Variants in WNK3 observed in about 807,000 individuals in gnomAD.
WNK3 encodes the protein serine/threonine-protein kinase WNK3.
In WNK3, 18 loss-of-function variants were observed where a neutral mutation model predicts 116.7. That is an observed-to-expected ratio of 0.15 (90% CI 0.11 to 0.23). The LOEUF (loss-of-function observed/expected upper bound fraction) is 0.23. WNK3 is among the 10% of genes least tolerant of loss of function. The probability of loss-of-function intolerance (pLI) is 1.00; values close to 1 mark genes in which losing one functional copy is unlikely to be tolerated. For synonymous variants in WNK3, 404 were observed against 469.4 expected, an observed-to-expected ratio of 0.86 and a Z score of 1.80; for missense variants, 993 against 1,323.8, an observed-to-expected ratio of 0.75 and a Z score of 3.88.
At chrX:54,229,588 A>C (rs782177500) in intron 21 of WNK3, among the ~76,000 whole-genome samples, 1 of 111,155 alleles carries the variant, frequency 9.0e-6, no homozygotes, top group South Asian at 3.8e-4. Flanking sequence ...TTCAGGAAAC[A>C]TAATACCTAA....
At chrX:54,211,832 A>G (rs1304637111) in intron 22 of WNK3, among the ~76,000 whole-genome samples, 2 of 110,651 alleles carry the variant, frequency 1.8e-5, no homozygotes, top group Non-Finnish European at 3.8e-5. Flanking sequence ...AATGAGAAAA[A>G]TCTCCAAACT....
chrX:54,317,118 G>C (rs2068966761), intron 2 of WNK3, among the ~76,000 whole-genome samples: 2 of 108,756 alleles, frequency 1.8e-5, no homozygotes, highest in African/African-American at 6.7e-5. Context: ...GCCTTAAAGA[G>C]AAATGAAATT....
chrX:54,241,476 A>G (rs781868090), intron 17 of WNK3, among the ~76,000 whole-genome samples: 17 of 112,162 alleles, frequency 1.5e-4, no homozygotes, highest in African/African-American at 5.2e-4. Flanking sequence ...TAAGACTTCA[A>G]TATATTCAGA....
At chrX:54,242,439 T>A (rs1175908633) in intron 17 of WNK3, among the ~76,000 whole-genome samples, 1 of 112,064 alleles carries the variant, frequency 8.9e-6, no homozygotes, top group East Asian at 2.8e-4. Context: ...AAAATTCATA[T>A]GGAATCACAG....
At chrX:54,222,614 C>T (rs1413631531) in intron 22 of WNK3, among the ~76,000 whole-genome samples, 5 of 106,806 alleles carry the variant, frequency 4.7e-5, no homozygotes, top group East Asian at 2.9e-4. Flanking sequence ...TGGTGGCTCA[C>T]GCCTGTAATT....
exon 24 of WNK3, chrX:54,196,118 T>C (rs1168223848): frequency 9.0e-6 from 1 of 111,072 alleles, no homozygotes; most frequent in South Asian, 3.8e-4. Context: ...GAATTAGGGA[T>C]TTTAGGAGCA....
At chrX:54,223,137 G>T (rs1557146960) in intron 22 of WNK3, among the ~76,000 whole-genome samples, 1 of 108,727 alleles carries the variant, frequency 9.2e-6, no homozygotes, top group Non-Finnish European at 1.9e-5. Flanking sequence ...CCAATCAAAA[G>T]ACAGATTGAC....
At chrX:54,267,185 G>C (rs79635615) in intron 10 of WNK3, among the ~76,000 whole-genome samples, 2 of 111,527 alleles carry the variant, frequency 1.8e-5, no homozygotes, top group East Asian at 2.8e-4. Flanking sequence ...ACTGGATAAA[G>C]AAAATGTGGC....
chrX:54,297,356 C>T (rs1289080078), intron 7 of WNK3, among the ~76,000 whole-genome samples: 3 of 111,270 alleles, frequency 2.7e-5, no homozygotes, highest in African/African-American at 9.8e-5. Context: ...GGGGACAGAT[C>T]ACTTGAAGTC....
At chrX:54,333,302 T>C in exon 2 of WNK3, 1 of 1,211,586 alleles carries the variant, frequency 8.3e-7, no homozygotes, top group Non-Finnish European at 1.1e-6. Context: ...CCTTTTCATT[T>C]TTCTCCTTGA....
intron 10 of WNK3, among the ~76,000 whole-genome samples, chrX:54,263,000 A>T (rs1312274310): frequency 9.1e-6 from 1 of 109,828 alleles, no homozygotes; most frequent in Non-Finnish European, 1.9e-5. Flanking sequence ...CAGGGAATCA[A>T]TCTTGGTTAT....
chrX:54,222,912 A>T (rs1375831122), intron 22 of WNK3, among the ~76,000 whole-genome samples: 13 of 85,154 alleles, frequency 1.5e-4, no homozygotes, highest in African/African-American at 6.7e-4. Context: ...TAATAATAAT[A>T]ATAATATATA....
At chrX:54,218,027 G>A (rs1190726637) in intron 22 of WNK3, among the ~76,000 whole-genome samples, 1 of 111,700 alleles carries the variant, frequency 9.0e-6, no homozygotes, top group Non-Finnish European at 1.9e-5. Flanking sequence ...CCTGGAGGGG[G>A]CCTATATTTT....
chrX:54,199,994 T>A (rs1232980266), intron 23 of WNK3, among the ~76,000 whole-genome samples: 1 of 112,110 alleles, frequency 8.9e-6, no homozygotes, highest in Non-Finnish European at 1.9e-5. Context: ...TCACGCTCCT[T>A]TCCTCATACA....
At chrX:54,338,592 T>C (rs1187229102) in intron 1 of WNK3, among the ~76,000 whole-genome samples, 1 of 107,082 alleles carries the variant, frequency 9.3e-6, no homozygotes, top group Non-Finnish European at 1.9e-5. Flanking sequence ...AATTAATTAA[T>C]TAAAATAAAA....
intron 5 of WNK3, among the ~76,000 whole-genome samples, chrX:54,307,706 G>A (rs1294603751): frequency 9.0e-6 from 1 of 111,101 alleles, no homozygotes; most frequent in Non-Finnish European, 1.9e-5. Flanking sequence ...TGATATACCT[G>A]TACATTTTCC....
intron 2 of WNK3, among the ~76,000 whole-genome samples, chrX:54,332,549 G>A (rs376037544): frequency 9.0e-6 from 1 of 111,301 alleles, no homozygotes; most frequent in East Asian, 2.8e-4. Flanking sequence ...TAAGAGTTTG[G>A]GGACTTTCCT....
intron 20 of WNK3, among the ~76,000 whole-genome samples, chrX:54,236,729 T>C (rs782499994): frequency 1.0e-3 from 115 of 112,070 alleles, no homozygotes; most frequent in Non-Finnish European, 1.9e-3. Context: ...TTAAATCATA[T>C]TGGTAAATAA....
chrX:54,274,784 C>T (rs782446184), intron 10 of WNK3, among the ~76,000 whole-genome samples: 5 of 110,543 alleles, frequency 4.5e-5, no homozygotes, highest in Non-Finnish European at 9.4e-5. Context: ...TGCAGGAGGA[C>T]TGCTTGACGC....
Sources: gnomAD v4.1 joint callset for allele counts (sites outside exome capture counted in the v4.1 genomes callset) on GRCh38, gnomAD v4.1.1 for gene constraint, MANE v1.5 for transcripts, NCBI Gene and HGNC (gene_info 2026-07-23, HGNC 2026-07-21) for gene names.